The following GPLD1 variants were observed in gnomAD, a reference collection of about 807,000 sequenced individuals.
GPLD1 encodes the protein phosphatidylinositol-glycan-specific phospholipase D.
In GPLD1, 84 loss-of-function variants were observed where a neutral mutation model predicts 112.6. That is an observed-to-expected ratio of 0.75 (90% CI 0.63 to 0.89). GPLD1 has a LOEUF of 0.89. Ranked by LOEUF, GPLD1 falls within the 40% of genes least tolerant of loss-of-function variation. The pLI is 0.00. For missense variants in GPLD1, 1,044 were observed against 1,051.5 expected (o/e 0.99, Z 0.10); for synonymous variants, 386 against 403.8 (o/e 0.96, Z 0.53).
At chr6:24,458,035 T>C (rs1431823147) in intron 12 of GPLD1, among the ~76,000 whole-genome samples, 3 of 151,724 alleles carry the variant, frequency 2.0e-5, no homozygotes, top group Non-Finnish European at 4.4e-5. Flanking sequence ...TCGTTCTTAA[T>C]GTGGTTACTG....
intron 3 of GPLD1, among the ~76,000 whole-genome samples, chr6:24,479,642 G>GT (rs2127366356): frequency 6.6e-6 from 1 of 152,246 alleles, no homozygotes; most frequent in Non-Finnish European, 1.5e-5. Flanking sequence ...CCAAAAAATA[G>GT]TTTTCAGAAT....
chr6:24,454,168 C>A lies in GPLD1; in HGVS notation c.1182G>T (p.Gly394=), dbSNP rs61748830. 0.035 allele frequency: 56,777 copies of A among 1,613,180 alleles called. 1,123 individuals carry two copies. Among genetic ancestry groups the A allele is most frequent in the Middle Eastern group, 0.094 (565 of 6,008 alleles). Residue 394 remains glycine, a synonymous_variant, in exon 14 of 25, where the codon GGG becomes GGT. Transcript: ENST00000230036. ...AMTSADLNQD[G]HGDLVVGAPG... ...GTGCGCCCACCACGAGGTCACCGTG[C>A]CCATCCTGGTTGAGGTCAGCTGAGG...
rs71002493 is a variant in GPLD1 at position 24,432,247 on chromosome 6, T to TAAAAA, written c.2436+935_2436+939dup. 1.8e-3 allele frequency among the ~76,000 whole-genome samples: 162 copies of TAAAAA among 90,762 alleles called. 1 individual carries two copies. Among genetic ancestry groups the TAAAAA allele is most frequent in the African/African-American group, 6.6e-3 (143 of 21,694 alleles). 59.5% of individuals were successfully genotyped at this position (90,762 alleles called of 152,430 possible). Reference sequence around the variant, plus strand: ...AGGTGACAAGAGCCAGACTCTGTCTTAAAAAAAAAAAAAAAAAAAAAGGTG... The same window carrying TAAAAA: ...AGGTGACAAGAGCCAGACTCTGTCTTAAAAAAAAAAAAAAAAAAAAAAAAAAGGTG... On this transcript the variant is annotated intron_variant, in intron 24 of 24. Coordinates refer to ENST00000230036, the MANE Select transcript of GPLD1 (RefSeq NM_001503.4).
chr6:24,424,269 G>C (rs377079233), downstream of GPLD1: 1 of 151,130 alleles, frequency 6.6e-6, no homozygotes, highest in Non-Finnish European at 1.5e-5. Context: ...TATCACCATT[G>C]TATGGATTCC....
rs1476752628 is a variant in GPLD1, at chr6:24,489,495, A to T, written c.17T>A (p.Leu6Ter). 24 of 1,613,952 alleles carry T rather than the reference A, an allele frequency of 1.5e-5. No individual in the cohort carries two copies. The highest frequency in any genetic ancestry group is 2.0e-5 in the Non-Finnish European group (24 of 1,179,950). MSAFR[L>*]WPGLLIMLGS... ...CAACATGATCAGCAGGCCAGGCCAC[A>T]ACCTGAAAGCAGACATGATCTCATT... Residue 6 changes from leucine to a stop codon, truncating the protein, a stop_gained, in exon 1 of 25, where the codon TTG becomes TAG. Transcript: ENST00000230036. LOFTEE classifies it high-confidence loss of function.
rs773727381 is a variant in GPLD1, at chr6:24,489,367, G to T, written c.97+48C>A. ...TTTCAGTCTCTTCCTTAATGTCTTT[G>T]ACAGATGTATTGTCCTCTCAACAAC... On this transcript the variant is annotated intron_variant, in intron 1 of 24. Transcript: ENST00000230036. 1.6e-5 allele frequency: 21 copies of T among 1,310,660 alleles called. No homozygotes were observed. In the Admixed American group the frequency reaches 2.7e-4, roughly 17 times the overall value. 81.2% of individuals were successfully genotyped at this position (1,310,660 alleles called of 1,614,324 possible).
At chr6:24,437,606 C>A (rs974753583) in intron 20 of GPLD1, among the ~76,000 whole-genome samples, 1 of 152,214 alleles carries the variant, frequency 6.6e-6, no homozygotes, top group Non-Finnish European at 1.5e-5. Context: ...CACATCCAAA[C>A]GCAAGTGGAC....
At chr6:24,442,796 G>A (rs927068485) in intron 20 of GPLD1, among the ~76,000 whole-genome samples, 4 of 151,908 alleles carry the variant, frequency 2.6e-5, no homozygotes, top group African/African-American at 9.7e-5. Context: ...GCCCAGGCTG[G>A]TCTTGAACTC....
Position 24,489,425 on chromosome 6 carries a change from G to A in GPLD1, c.87C>T (p.His29=), listed in dbSNP as rs145921069. Residue 29 remains histidine, a synonymous_variant, in exon 1 of 25, where the codon CAC becomes CAT. Transcript: ENST00000230036. ...HRGSPCGLST[H]VEIGHRALEF... is the part of the protein sequence containing the mutation. Reference sequence around the variant, plus strand: ...GACACCAGTACTTACCTATTTCTACGTGTGTTGAAAGGCCACACGGTGAAC... The same window carrying A: ...GACACCAGTACTTACCTATTTCTACATGTGTTGAAAGGCCACACGGTGAAC... 173 of 1,603,778 alleles carry A rather than the reference G, an allele frequency of 1.1e-4. No individual in the cohort carries two copies. Among genetic ancestry groups the A allele is most frequent in the East Asian group, 6.5e-4 (29 of 44,840 alleles).
At chr6:24,489,361 G>A in intron 1 of GPLD1, 54 bp downstream of exon 1, 1 of 1,281,504 alleles carries the variant, frequency 7.8e-7, no homozygotes, top group Non-Finnish European at 1.1e-6. Flanking sequence ...CTTCCTTAAT[G>A]TCTTTGACAG....
intron 15 of GPLD1, 140 bp downstream of exon 15, chr6:24,449,649 G>T: frequency 1.6e-6 from 1 of 629,578 alleles, no homozygotes; most frequent in Non-Finnish European, 2.8e-6. Context: ...ATAGGGGCCT[G>T]AGATTATCTG....
Position 24,460,411 on chromosome 6 carries a change from A to C in GPLD1, c.888-12T>G. 3.7e-6 allele frequency: 6 copies of C among 1,612,984 alleles called. No individual in the cohort carries two copies. The highest frequency in any genetic ancestry group is 5.1e-6 in the Non-Finnish European group (6 of 1,179,618). On this transcript the variant is annotated splice_polypyrimidine_tract_variant and intron_variant, in intron 11 of 24. Coordinates refer to ENST00000230036, the MANE Select transcript of GPLD1 (RefSeq NM_001503.4). ...TCTGCATTTTTGAGCTGTTGAAGAG[A>C]AAGAGGAATAAACTGGTTACGACTG...
At chr6:24,478,460 C>T (rs1250929147) in intron 3 of GPLD1, among the ~76,000 whole-genome samples, 3 of 151,288 alleles carry the variant, frequency 2.0e-5, no homozygotes, top group African/African-American at 4.9e-5. Context: ...CCCAAAACCC[C>T]AGAAGCAGTT....
At chr6:24,448,422 A>G (rs1762981222) in intron 15 of GPLD1, among the ~76,000 whole-genome samples, 1 of 143,464 alleles carries the variant, frequency 7.0e-6, no homozygotes, top group South Asian at 2.2e-4. Context: ...TCCACGAAAA[A>G]AACTTTTAAT....
intron 2 of GPLD1, among the ~76,000 whole-genome samples, chr6:24,484,136 T>C (rs186833331): frequency 2.0e-3 from 309 of 152,198 alleles, no homozygotes; most frequent in South Asian, 4.6e-3. Context: ...AGGATGGTCT[T>C]GATCTCCTGA....
At chr6:24,440,792 T>TAGGC (rs1762723585) in intron 20 of GPLD1, among the ~76,000 whole-genome samples, 1 of 147,460 alleles carries the variant, frequency 6.8e-6, no homozygotes, top group Admixed American at 6.7e-5. Flanking sequence ...GAAAGTGAGA[T>TAGGC]AGGTAGGTAG....
chr6:24,487,124 T>C (rs922786755), intron 1 of GPLD1, among the ~76,000 whole-genome samples: 3 of 144,540 alleles, frequency 2.1e-5, no homozygotes, highest in Admixed American at 6.8e-5. Flanking sequence ...CAAAAAACTA[T>C]TGCCACTACT....
At chr6:24,430,408 G>A (rs553489186) in intron 24 of GPLD1, among the ~76,000 whole-genome samples, 2 of 152,054 alleles carry the variant, frequency 1.3e-5, no homozygotes, top group Middle Eastern at 3.2e-3. Context: ...TGGTCTTGTG[G>A]GCCTGCTGTA....
chr6:24,468,398 T>A (rs1252831667), intron 7 of GPLD1, among the ~76,000 whole-genome samples: 1 of 152,182 alleles, frequency 6.6e-6, no homozygotes, highest in Non-Finnish European at 1.5e-5. Flanking sequence ...GACTACAGCA[T>A]AAGTGACACT....
Sources: gnomAD v4.1 joint callset for allele counts (sites outside exome capture counted in the v4.1 genomes callset) on GRCh38, gnomAD v4.1.1 for gene constraint, MANE v1.5 for transcripts, NCBI Gene and HGNC (gene_info 2026-07-23, HGNC 2026-07-21) for gene names.